CERS6: variants seen among roughly 807,000 people sequenced by gnomAD.
The protein encoded by CERS6 is ceramide synthase 6, also known as LAG1 homolog, ceramide synthase 6.
A neutral mutation model predicts 56.8 loss-of-function variants in CERS6; 26 were observed. That is an observed-to-expected ratio of 0.46 (90% CI 0.34 to 0.63). CERS6 has a LOEUF of 0.63. Among genes scored for constraint, CERS6 ranks in the 30% least tolerant of loss-of-function variants. CERS6 has a pLI of 0.01. For synonymous variants in CERS6, 164 were observed against 173.3 expected (o/e 0.95, Z 0.42); for missense variants, 415 against 467.5 (o/e 0.89, Z 1.04).
At chr2:168,596,295 G>C (rs1406106295) in intron 3 of CERS6, among the ~76,000 whole-genome samples, 1 of 151,862 alleles carries the variant, frequency 6.6e-6, no homozygotes, top group African/African-American at 2.4e-5. Context: ...ATGTGGAATG[G>C]GACCTCAATA....
intron 2 of CERS6, among the ~76,000 whole-genome samples, chr2:168,558,848 G>A (rs893161223): frequency 7.9e-5 from 12 of 152,104 alleles, no homozygotes; most frequent in South Asian, 4.1e-4. Flanking sequence ...CAGCCTGGGC[G>A]ACAGAGCAAG....
At chr2:168,744,304 C>A (rs1684031343) in intron 8 of CERS6, among the ~76,000 whole-genome samples, 1 of 152,120 alleles carries the variant, frequency 6.6e-6, no homozygotes, top group Admixed American at 6.5e-5. Flanking sequence ...CCGTTCCCGG[C>A]CTGTTACTGT....
intron 1 of CERS6, among the ~76,000 whole-genome samples, chr2:168,538,859 C>T (rs1695315414): frequency 6.6e-6 from 1 of 152,194 alleles, no homozygotes; most frequent in Non-Finnish European, 1.5e-5. Flanking sequence ...TAGATAAATA[C>T]CTAAAAGTGG....
At chr2:168,645,116 A>AAATATATATATAT (rs1553503146) in intron 4 of CERS6, among the ~76,000 whole-genome samples, 5 of 19,034 alleles carry the variant, frequency 2.6e-4, no homozygotes, top group Non-Finnish European at 5.0e-4. Context: ...AAAAAAAAAA[A>AAATATATATATAT]ATATATATAT....
chr2:168,686,269 C>T (rs1686349383), intron 4 of CERS6, among the ~76,000 whole-genome samples: 1 of 151,132 alleles, frequency 6.6e-6, no homozygotes, highest in Non-Finnish European at 1.5e-5. Context: ...TCTCTCTCTT[C>T]CTCTTCCTCT....
At chr2:168,488,744 TTATAA>T (rs990573099) in intron 1 of CERS6, among the ~76,000 whole-genome samples, 23 of 152,082 alleles carry the variant, frequency 1.5e-4, no homozygotes, top group African/African-American at 4.6e-4. Context: ...GCTCTGGGAG[TTATAA>T]TATAATACAC....
rs1162828930 is a variant in CERS6 at position 168,456,956 on chromosome 2, G to A, written c.170+338G>A. 6.6e-6 allele frequency among the ~76,000 whole-genome samples: 1 copy of A among 152,224 alleles called. No individual in the cohort carries two copies. Among genetic ancestry groups the A allele is most frequent in the Non-Finnish European group, 1.5e-5 (1 of 68,034 alleles). On this transcript the variant is annotated intron_variant, in intron 1 of 9. Coordinates refer to ENST00000305747, the MANE Select transcript of CERS6 (RefSeq NM_203463.3). The surrounding 1 kb of genome is among the most constrained non-coding windows in gnomAD (Gnocchi z 4.1). Reference sequence around the variant, plus strand: ...GGCTCAGGACCCGCCGCATTCCGCGGGGCTCGCCCCTCTCCGCCGGCGCGC... The same window carrying A: ...GGCTCAGGACCCGCCGCATTCCGCGAGGCTCGCCCCTCTCCGCCGGCGCGC...
intron 4 of CERS6, among the ~76,000 whole-genome samples, chr2:168,666,940 G>A (rs1685776537): frequency 6.6e-6 from 1 of 152,154 alleles, no homozygotes; most frequent in African/African-American, 2.4e-5. Flanking sequence ...TGCATATCTT[G>A]TGTTTATATT....
intron 1 of CERS6, among the ~76,000 whole-genome samples, chr2:168,521,623 G>A (rs1694984903): frequency 1.3e-5 from 2 of 152,304 alleles, no homozygotes; most frequent in East Asian, 1.9e-4. Context: ...CCAGACAGAC[G>A]TCTTGGGTTC....
At chr2:168,748,394 T>A (rs1361597613) in intron 8 of CERS6, among the ~76,000 whole-genome samples, 1 of 152,180 alleles carries the variant, frequency 6.6e-6, no homozygotes, top group Admixed American at 6.5e-5. Context: ...TTTTTTAAAA[T>A]TTATTTTTAG....
chr2:168,734,189 G>A (rs1489694032), intron 8 of CERS6, among the ~76,000 whole-genome samples: 1 of 152,120 alleles, frequency 6.6e-6, no homozygotes, highest in East Asian at 1.9e-4. Context: ...GGAGGTGTGG[G>A]CGGTGAGCAA....
chr2:168,570,030 C>T (rs1298609660), intron 3 of CERS6, among the ~76,000 whole-genome samples: 1 of 152,144 alleles, frequency 6.6e-6, no homozygotes, highest in Non-Finnish European at 1.5e-5. Flanking sequence ...CTGTCACAGC[C>T]ATGCCCTGGC....
chr2:168,658,568 G>A (rs943354730), intron 4 of CERS6, among the ~76,000 whole-genome samples: 10 of 152,216 alleles, frequency 6.6e-5, no homozygotes, highest in Admixed American at 4.6e-4. Context: ...AGCGTCAGGC[G>A]TGCTTGATGA....
At chr2:168,657,434 G>A (rs897612015) in intron 4 of CERS6, among the ~76,000 whole-genome samples, 3 of 152,250 alleles carry the variant, frequency 2.0e-5, no homozygotes, top group East Asian at 1.9e-4. Context: ...TGCGCCATGC[G>A]CTCGCATTCC....
chr2:168,665,727 G>GT (rs1685740797), intron 4 of CERS6, among the ~76,000 whole-genome samples: 2 of 152,152 alleles, frequency 1.3e-5, no homozygotes, highest in African/African-American at 4.8e-5. Context: ...ACCTACAACA[G>GT]TGACTGACAT....
chr2:168,511,425 T>C (rs1210631724), intron 1 of CERS6, among the ~76,000 whole-genome samples: 1 of 152,206 alleles, frequency 6.6e-6, no homozygotes, highest in Non-Finnish European at 1.5e-5. Flanking sequence ...GCCATTGCTG[T>C]ATTGTCTTTT....
intron 1 of CERS6, among the ~76,000 whole-genome samples, chr2:168,504,612 A>G (rs1234257276): frequency 1.3e-5 from 2 of 152,124 alleles, no homozygotes; most frequent in Non-Finnish European, 1.5e-5. Context: ...AGGAACATCA[A>G]GTGTCAACAG....
In CERS6 at chr2:168,655,677, A is replaced by G. The variant is rs539215338; in HGVS notation, c.465+24635A>G. Among the ~76,000 whole-genome samples, 62 of 152,256 alleles carry G rather than the reference A, an allele frequency of 4.1e-4. 1 individual carries two copies. Among genetic ancestry groups the G allele is most frequent in the Non-Finnish European group, 8.7e-4 (59 of 68,048 alleles). On this transcript the variant is annotated intron_variant, in intron 4 of 9. Coordinates refer to ENST00000305747, the MANE Select transcript of CERS6 (RefSeq NM_203463.3). ...TGAAATTTTAAAATAGCTCAAATAT[A>G]CAAATACAGAGAATAAAACAGCAGC...
chr2:168,752,838 T>C (rs984397510), intron 8 of CERS6, among the ~76,000 whole-genome samples: 13 of 152,224 alleles, frequency 8.5e-5, no homozygotes, highest in Admixed American at 6.5e-5. Flanking sequence ...GTTTTTTTCT[T>C]GTTTTCTGCT....
Sources: allele counts gnomAD v4.1 joint callset (sites outside exome capture counted in the v4.1 genomes callset), GRCh38; gene constraint gnomAD v4.1.1; non-coding constraint Gnocchi (gnomAD v3.1); transcripts MANE v1.5; gene names NCBI Gene and HGNC (gene_info 2026-07-23, HGNC 2026-07-21).